Variants in TEX9 observed in about 807,000 individuals in gnomAD.
The protein encoded by TEX9 is testis-expressed protein 9.
A neutral mutation model predicts 59.6 loss-of-function variants in TEX9; 74 were observed. The observed-to-expected ratio is 1.24, with a 90% CI of 1.03 to 1.51. TEX9 has a LOEUF of 1.51. Ranked by LOEUF, TEX9 falls within the 40% of genes most tolerant of loss-of-function variation. The probability of loss-of-function intolerance (pLI) is 0.00; values close to 1 mark genes in which losing one functional copy is unlikely to be tolerated. For synonymous variants in TEX9, 186 were observed against 152.2 expected, an observed-to-expected ratio of 1.22 and a Z score of -1.64; for missense variants, 522 against 447.8, an observed-to-expected ratio of 1.17 and a Z score of -1.49.
intron 9 of TEX9, among the ~76,000 whole-genome samples, chr15:56,406,231 C>G (rs2140091519): frequency 6.6e-6 from 1 of 152,146 alleles, no homozygotes; most frequent in African/African-American, 2.4e-5. Flanking sequence ...GTATATCTGG[C>G]TATTTTTCTT....
At chr15:56,245,474 G>GT (rs1410716072) in intron 1 of TEX9, among the ~76,000 whole-genome samples, 2 of 152,164 alleles carry the variant, frequency 1.3e-5, no homozygotes, top group Non-Finnish European at 2.9e-5. Flanking sequence ...GCCACTTTAG[G>GT]AAACTATAGG....
At chr15:56,411,100 T>C (rs1381154270) in intron 9 of TEX9, among the ~76,000 whole-genome samples, 1 of 152,236 alleles carries the variant, frequency 6.6e-6, no homozygotes, top group African/African-American at 2.4e-5. Context: ...TATTTTTAAC[T>C]TCATCATTTC....
chr15:56,270,186 A>C (rs1417764769), intron 1 of TEX9, among the ~76,000 whole-genome samples: 1 of 152,128 alleles, frequency 6.6e-6, no homozygotes, highest in Non-Finnish European at 1.5e-5. Flanking sequence ...GCTGAGTTTA[A>C]GTCCTGGATA....
intron 1 of TEX9, among the ~76,000 whole-genome samples, chr15:56,333,090 T>C (rs1294730355): frequency 6.6e-6 from 1 of 152,046 alleles, no homozygotes; most frequent in East Asian, 1.9e-4. Flanking sequence ...CCACCAAACA[T>C]TTAAAGAAGA....
intron 10 of TEX9, among the ~76,000 whole-genome samples, chr15:56,417,448 A>G (rs576028539): frequency 6.6e-6 from 1 of 151,876 alleles, no homozygotes; most frequent in East Asian, 1.9e-4. Context: ...TTCATTATTT[A>G]CCCCAAAGTC....
chr15:56,453,215 A>G, the TEX9 span, among the ~76,000 whole-genome samples: 1 of 152,318 alleles, frequency 6.6e-6, no homozygotes, highest in African/African-American at 2.4e-5. Context: ...CCCAAAAGAC[A>G]TAATAAATAT....
intron 1 of TEX9, among the ~76,000 whole-genome samples, chr15:56,280,525 G>A (rs1293697877): frequency 6.6e-6 from 1 of 152,142 alleles, no homozygotes; most frequent in Non-Finnish European, 1.5e-5. Context: ...AATTATATGA[G>A]CCAAGTTAAA....
chr15:56,443,687 A>G, intron 12 of TEX9: 1 of 1,613,378 alleles, frequency 6.2e-7, no homozygotes, highest in South Asian at 1.1e-5. Flanking sequence ...AACTTTTGCC[A>G]TCCGATCTTC....
chr15:56,406,789 C>A (rs940388348), intron 9 of TEX9, among the ~76,000 whole-genome samples: 1 of 152,098 alleles, frequency 6.6e-6, no homozygotes, highest in African/African-American at 2.4e-5. Context: ...TTCGAAAATA[C>A]TAAGTTGCAA....
chr15:56,429,469 G>A (rs2050498063), intron 12 of TEX9: 1 of 302,828 alleles, frequency 3.3e-6, no homozygotes, highest in Non-Finnish European at 6.0e-6. Flanking sequence ...CTACTGCTTG[G>A]ATTACCTAGA....
chr15:56,253,250 C>T (rs1178283291), intron 1 of TEX9, among the ~76,000 whole-genome samples: 3 of 151,820 alleles, frequency 2.0e-5, no homozygotes, highest in Non-Finnish European at 1.5e-5. Flanking sequence ...AAAGAGGCAC[C>T]ATTGGATGGC....
intron 12 of TEX9, chr15:56,431,633 TAATA>T: frequency 1.6e-6 from 1 of 608,968 alleles, no homozygotes; most frequent in Non-Finnish European, 2.5e-6. Flanking sequence ...AGATTCTAGA[TAATA>T]TATATTTTTA....
rs185009922 is a variant in TEX9 at position 56,291,155 on chromosome 15, T to C, written c.-107+46877T>C. On this transcript the variant is annotated intron_variant, in intron 1 of 5. Coordinates refer to the TEX9 transcript ENST00000560827. ...GATGTTTTAGATTTAGAGTTATTCA[T>C]TGATACAGATTGTAATATAGATTGA... 2.0e-5 allele frequency among the ~76,000 whole-genome samples: 3 copies of C among 152,356 alleles called. No individual in the cohort carries two copies. In the East Asian group the frequency reaches 5.8e-4, roughly 29 times the overall value.
Position 56,412,442 on chromosome 15 carries a change from G to A in TEX9, c.963+6G>A, listed in dbSNP as rs1240781707. On this transcript the variant is annotated splice_donor_region_variant and intron_variant, in intron 10 of 12. Transcript: ENST00000352903. The stretch of plus-strand genomic sequence containing the variant: ...AATTAAGGCAAAATAACAAGGTATG[G>A]AAAAATTGAATAGCTTTTGTAGTGA... The A allele has an allele frequency of 6.2e-7, 1 of 1,603,204 alleles. No homozygotes were observed.
chr15:56,297,797 G>A (rs1347362237), intron 1 of TEX9, among the ~76,000 whole-genome samples: 1 of 152,236 alleles, frequency 6.6e-6, no homozygotes, highest in Non-Finnish European at 1.5e-5. Flanking sequence ...GAGCCACCGT[G>A]CCTGGCCACT....
intron 3 of TEX9, among the ~76,000 whole-genome samples, chr15:56,376,516 A>C (rs1298912861): frequency 6.6e-6 from 1 of 152,058 alleles, no homozygotes. Flanking sequence ...TTGATGTTGA[A>C]CACCTTTTTT....
intron 1 of TEX9, among the ~76,000 whole-genome samples, chr15:56,249,620 C>T (rs1470504039): frequency 6.6e-6 from 1 of 151,504 alleles, no homozygotes; most frequent in Non-Finnish European, 1.5e-5. Context: ...TGCCTGTAAT[C>T]CCAGCTACTT....
chr15:56,426,893 C>T (rs1410122675), intron 10 of TEX9, among the ~76,000 whole-genome samples: 3 of 151,712 alleles, frequency 2.0e-5, no homozygotes, highest in East Asian at 1.9e-4. Flanking sequence ...ACTTGGTCTC[C>T]CGCTTGTCAT....
At chr15:56,317,866 G>A (rs1272084830) in intron 1 of TEX9, among the ~76,000 whole-genome samples, 1 of 151,926 alleles carries the variant, frequency 6.6e-6, no homozygotes, top group African/African-American at 2.4e-5. Flanking sequence ...ATTTTTGTTG[G>A]AGGGCACATT....
Sources: gnomAD v4.1 joint callset for allele counts (sites outside exome capture counted in the v4.1 genomes callset) on GRCh38, gnomAD v4.1.1 for gene constraint, MANE v1.5 for transcripts, NCBI Gene and HGNC (gene_info 2026-07-23, HGNC 2026-07-21) for gene names.